GDPD1: variants seen among roughly 807,000 people sequenced by gnomAD.
The protein encoded by GDPD1 is lysophospholipase D GDPD1.
Under a neutral mutation model 45.1 loss-of-function variants are expected in GDPD1, and 28 were observed. The ratio of observed to expected loss-of-function variants is 0.62; its 90% CI spans 0.46 to 0.85. The LOEUF is 0.85. Among genes scored for constraint, GDPD1 ranks in the 40% least tolerant of loss-of-function variants. The probability of loss-of-function intolerance (pLI) is 0.00; values close to 1 mark genes in which losing one functional copy is unlikely to be tolerated. For synonymous variants in GDPD1, 139 were observed against 131.4 expected (o/e 1.06, Z -0.40); for missense variants, 256 against 364.8 (o/e 0.70, Z 2.43).
intron 6 of GDPD1, 97 bp downstream of exon 6, chr17:59,257,937 T>C: frequency 3.9e-6 from 3 of 765,764 alleles, no homozygotes; most frequent in Non-Finnish European, 5.9e-6. Context: ...TTCTTTTTCT[T>C]ATTTTTAGAG....
rs1377839432 is a variant in GDPD1, at chr17:59,271,072, C to T, written c.770+77C>T. On this transcript the variant is annotated intron_variant, in intron 8 of 9. Coordinates refer to ENST00000284116, the MANE Select transcript of GDPD1 (RefSeq NM_182569.4). ...TAAATACTACCCTTAAAATGTTGTG[C>T]AAGCTTTCCACATGTAATTTGTAAC... 22 of 848,296 alleles carry T rather than the reference C, an allele frequency of 2.6e-5. No individual in the cohort carries two copies. In the Admixed American group the frequency reaches 4.4e-4, roughly 17 times the overall value. The allele number at this position is 848,296 out of a possible 1,614,324, so 52.5% of individuals were successfully genotyped here.
chr17:59,251,273 C>G (rs561993442), intron 4 of GDPD1, among the ~76,000 whole-genome samples: 5 of 152,112 alleles, frequency 3.3e-5, no homozygotes, highest in Non-Finnish European at 7.3e-5. Flanking sequence ...AATCCCAACA[C>G]TTTGGGAGGC....
At chr17:59,235,810 C>T (rs59755942) in intron 2 of GDPD1, among the ~76,000 whole-genome samples, 3,897 of 135,700 alleles carry the variant, frequency 0.029, 194 homozygotes, top group African/African-American at 0.1. Flanking sequence ...GAGTGAGACT[C>T]TATCTCAAAA....
chr17:59,258,133 C>T (rs1379062961), intron 6 of GDPD1, among the ~76,000 whole-genome samples: 1 of 152,038 alleles, frequency 6.6e-6, no homozygotes, highest in Non-Finnish European at 1.5e-5. Context: ...CACTATATTG[C>T]CCACTCTGGT....
At chr17:59,232,200 C>T (rs563164692) in intron 1 of GDPD1, among the ~76,000 whole-genome samples, 20 of 152,128 alleles carry the variant, frequency 1.3e-4, no homozygotes, top group Non-Finnish European at 2.6e-4. Flanking sequence ...AGCCTGTAAT[C>T]CCAGCACTTT....
At chr17:59,231,112 C>T (rs1161747913) in intron 1 of GDPD1, among the ~76,000 whole-genome samples, 2 of 152,038 alleles carry the variant, frequency 1.3e-5, no homozygotes, top group Middle Eastern at 3.2e-3. Context: ...TTTGTACCAG[C>T]GGCTCGTGCT....
intron 4 of GDPD1, among the ~76,000 whole-genome samples, chr17:59,255,949 G>C (rs920453015): frequency 6.7e-6 from 1 of 148,496 alleles, no homozygotes; most frequent in African/African-American, 2.5e-5. Flanking sequence ...TTGCTGGAGT[G>C]TGGGAGGCCG....
chr17:59,253,702 C>G (rs1023010926), intron 4 of GDPD1, among the ~76,000 whole-genome samples: 1 of 151,818 alleles, frequency 6.6e-6, no homozygotes, highest in Non-Finnish European at 1.5e-5. Flanking sequence ...TTTAATTTGC[C>G]CACACCGTGA....
chr17:59,264,173 A>AT (rs1351993652), intron 6 of GDPD1, among the ~76,000 whole-genome samples: 1 of 150,414 alleles, frequency 6.6e-6, no homozygotes, highest in African/African-American at 2.5e-5. Flanking sequence ...TAATTTTTGT[A>AT]TTTTTTAGTA....
intron 1 of GDPD1, among the ~76,000 whole-genome samples, chr17:59,230,164 T>C (rs767704863): frequency 5.9e-5 from 9 of 152,084 alleles, no homozygotes; most frequent in Non-Finnish European, 1.0e-4. Flanking sequence ...GAGGATATGG[T>C]ATTAGAATGA....
At chr17:59,224,459 T>TA (rs1242540062) in intron 1 of GDPD1, among the ~76,000 whole-genome samples, 2 of 151,738 alleles carry the variant, frequency 1.3e-5, no homozygotes, top group African/African-American at 2.4e-5. Flanking sequence ...CCGTCGCTAC[T>TA]AAAAATACAA....
chr17:59,255,850 T>TATATATAC lies in GDPD1; in HGVS notation c.368-1271_368-1270insTATATACA, dbSNP rs1158828340. On this transcript the variant is annotated intron_variant, in intron 4 of 9. Transcript: ENST00000284116. ...ATACGCGTATATATATATATATATATACACACGTATATATATATATATATA... is the reference window on the plus strand; with the variant it reads ...ATACGCGTATATATATATATATATATATATATACACACACGTATATATATATATATATA... Among the ~76,000 whole-genome samples the TATATATAC allele has an allele frequency of 8.5e-4, 63 of 74,312 alleles. 2 individuals carry two copies. Among genetic ancestry groups the TATATATAC allele is most frequent in the African/African-American group, 4.3e-3 (61 of 14,176 alleles). 48.8% of individuals were successfully genotyped at this position (74,312 alleles called of 152,430 possible).
Position 59,269,738 on chromosome 17 carries a change from G to A in GDPD1, c.711-1198G>A, listed in dbSNP as rs1222169204. ...CTCAGGAGGCTGAGGCAGGAGAATC[G>A]CTTGAACCCAGAAGGTGGGGGTTGC... On this transcript the variant is annotated intron_variant, in intron 7 of 9. Transcript: ENST00000284116. Among the ~76,000 whole-genome samples, 5 of 152,006 alleles carry A rather than the reference G, an allele frequency of 3.3e-5. No individual in the cohort carries two copies. The South Asian group carries it at 6.2e-4, about 19-fold the overall frequency.
chr17:59,244,293 T>G (rs941859294), intron 2 of GDPD1, among the ~76,000 whole-genome samples: 1 of 152,160 alleles, frequency 6.6e-6, no homozygotes, highest in Non-Finnish European at 1.5e-5. Flanking sequence ...ACATGTGCAG[T>G]GTGTTTACTG....
chr17:59,272,706 T>G, intron 8 of GDPD1, 79 bp from the exon 9 acceptor site: 1 of 816,006 alleles, frequency 1.2e-6, no homozygotes, highest in South Asian at 1.4e-5. Context: ...TAAATTAAAC[T>G]GGAATTACTA....
intron 2 of GDPD1, among the ~76,000 whole-genome samples, chr17:59,243,629 T>C (rs2047190807): frequency 6.6e-6 from 1 of 152,106 alleles, no homozygotes; most frequent in Non-Finnish European, 1.5e-5. Context: ...AAGGTGGGGT[T>C]CCACCAGGGA....
intron 7 of GDPD1, among the ~76,000 whole-genome samples, chr17:59,268,785 T>C (rs142617816): frequency 0.012 from 1,884 of 152,162 alleles, 11 homozygotes; most frequent in Middle Eastern, 0.044. Context: ...GGCTCACGCC[T>C]GTAATCCCAA....
At chr17:59,229,505 G>A (rs914709898) in intron 1 of GDPD1, among the ~76,000 whole-genome samples, 31 of 148,734 alleles carry the variant, frequency 2.1e-4, no homozygotes, top group Middle Eastern at 3.5e-3. Context: ...AATTACAGGC[G>A]TGAGCCACTG....
chr17:59,268,974 A>AG (rs1199904409), intron 7 of GDPD1, among the ~76,000 whole-genome samples: 1 of 152,088 alleles, frequency 6.6e-6, no homozygotes, highest in Admixed American at 6.6e-5. Context: ...TGAGCGACAG[A>AG]GCGAGACTCC....
Sources: allele counts gnomAD v4.1 joint callset (sites outside exome capture counted in the v4.1 genomes callset), GRCh38; gene constraint gnomAD v4.1.1; transcripts MANE v1.5; gene names NCBI Gene and HGNC (gene_info 2026-07-23, HGNC 2026-07-21).